Variants in POLGARF observed in about 807,000 individuals in gnomAD.
POLGARF encodes POLG alternative reading frame.
chr15:89,333,245 G>C, the POLGARF span: 1 of 1,574,912 alleles, frequency 6.3e-7, no homozygotes, highest in Non-Finnish European at 8.6e-7. Flanking sequence ...CCTCCGCCCA[G>C]GCCCAAGCCG....
chr15:89,330,502 A>G, the POLGARF span, among the ~76,000 whole-genome samples: 2 of 152,210 alleles, frequency 1.3e-5, no homozygotes, highest in Non-Finnish European at 2.9e-5. Context: ...ACTTCTGCAC[A>G]TAAAAATGGA....
chr15:89,330,940 T>A, the POLGARF span, among the ~76,000 whole-genome samples: 1 of 152,072 alleles, frequency 6.6e-6, no homozygotes, highest in Non-Finnish European at 1.5e-5. Context: ...TGCTGCCTGT[T>A]GGGGGCCCGA....
chr15:89,331,770 A>C, the POLGARF span, among the ~76,000 whole-genome samples: 1 of 151,822 alleles, frequency 6.6e-6, no homozygotes, highest in South Asian at 2.1e-4. Flanking sequence ...ACCATGTGGC[A>C]CCCACCCCCA....
chr15:89,333,615 T>TGCTGCTGCTGCTGCCGCCGCC, the POLGARF span: 1 of 1,600,772 alleles, frequency 6.2e-7, no homozygotes, highest in Non-Finnish European at 8.5e-7. Context: ...CTGCTGCTGC[T>TGCTGCTGCTGCTGCCGCCGCC]GCTGCTGCTG....
the POLGARF span, chr15:89,330,287 T>C: frequency 6.2e-6 from 10 of 1,605,716 alleles, no homozygotes; most frequent in Admixed American, 8.3e-5. Flanking sequence ...CTGAGGGAGG[T>C]GAGAGGCAGG....
At chr15:89,332,880 A>T in the POLGARF span, among the ~76,000 whole-genome samples, 1 of 152,172 alleles carries the variant, frequency 6.6e-6, no homozygotes, top group Admixed American at 6.5e-5. Flanking sequence ...CGTGGCCTTT[A>T]CTGCCTGACA....
At chr15:89,333,627 T>TGCC in the POLGARF span, 422 of 1,581,520 alleles carry the variant, frequency 2.7e-4, 1 homozygote, top group Middle Eastern at 1.2e-3. Flanking sequence ...CTGCTGCTGC[T>TGCC]GCCGCCGCCG....
At chr15:89,333,576 T>C in the POLGARF span, 1 of 1,609,940 alleles carries the variant, frequency 6.2e-7, no homozygotes, top group Non-Finnish European at 8.5e-7. Context: ...GGATAGCACT[T>C]GCGGCTGCTG....
At chr15:89,331,659 G>A in the POLGARF span, among the ~76,000 whole-genome samples, 9 of 152,176 alleles carry the variant, frequency 5.9e-5, no homozygotes, top group Admixed American at 1.3e-4. Context: ...GCTGACTACC[G>A]CTTCTCCTCC....
At chr15:89,332,147 T>C in the POLGARF span, 2 of 152,280 alleles carry the variant, frequency 1.3e-5, no homozygotes, top group South Asian at 2.1e-4. Flanking sequence ...AGTAGTGTGA[T>C]TCTCATTGTA....
the POLGARF span, among the ~76,000 whole-genome samples, chr15:89,330,974 G>A: frequency 1.3e-5 from 2 of 152,148 alleles, no homozygotes; most frequent in Admixed American, 1.3e-4. Flanking sequence ...AAAGGCTGCA[G>A]TTTGCTCAAG....
the POLGARF span, chr15:89,333,483 C>T: frequency 6.2e-7 from 1 of 1,612,552 alleles, no homozygotes; most frequent in Non-Finnish European, 8.5e-7. Flanking sequence ...CATCTCCCCT[C>T]CTTGCCCGAA....
At chr15:89,333,299 C>T in the POLGARF span, 1 of 1,555,846 alleles carries the variant, frequency 6.4e-7, no homozygotes, top group East Asian at 2.4e-5. Context: ...AGTTGGCCGC[C>T]TCCAGGTAGG....
At chr15:89,330,373 C>T in the POLGARF span, 1 of 950,278 alleles carries the variant, frequency 1.1e-6, no homozygotes, top group Non-Finnish European at 1.6e-6. Flanking sequence ...CCAGATGGTG[C>T]ATTGGCAGCT....
the POLGARF span, among the ~76,000 whole-genome samples, chr15:89,332,576 G>C: frequency 6.7e-6 from 1 of 149,444 alleles, no homozygotes; most frequent in African/African-American, 2.5e-5. Context: ...CCACCTCAAG[G>C]GGGCGTCTGG....
the POLGARF span, chr15:89,333,730 C>T: frequency 6.5e-7 from 1 of 1,535,812 alleles, no homozygotes; most frequent in South Asian, 1.2e-5. Flanking sequence ...GCGCCGGCCA[C>T]CTTCCTCCAG....
chr15:89,333,481 C>T, the POLGARF span: 5 of 1,612,486 alleles, frequency 3.1e-6, 1 homozygote, highest in Admixed American at 6.7e-5. Context: ...GGCATCTCCC[C>T]TCCTTGCCCG....
At chr15:89,332,419 T>C in the POLGARF span, 3 of 152,234 alleles carry the variant, frequency 2.0e-5, no homozygotes, top group African/African-American at 4.8e-5. Context: ...ACTGCCATCA[T>C]TGTTTGAAAA....
chr15:89,330,223 T>C, the POLGARF span: 47 of 1,613,366 alleles, frequency 2.9e-5, no homozygotes, highest in East Asian at 2.5e-4. Flanking sequence ...CGGCGACAGC[T>C]GGCTGGTCCA....
Sources: gnomAD v4.1 joint callset for allele counts (sites outside exome capture counted in the v4.1 genomes callset) on GRCh38, gnomAD v4.1.1 for gene constraint, MANE v1.5 for transcripts, NCBI Gene and HGNC (gene_info 2026-07-23, HGNC 2026-07-21) for gene names.